The following NTM variants were observed in gnomAD, a reference collection of about 807,000 sequenced individuals.
NTM encodes neurotrimin, also known as IgLON family member 2.
In NTM, 13 loss-of-function variants were observed where a neutral mutation model predicts 42.1. That is an observed-to-expected ratio of 0.31 (90% CI 0.20 to 0.49). The LOEUF (loss-of-function observed/expected upper bound fraction) is 0.49, where lower values mean the gene tolerates loss of function less well. Ranked by LOEUF, NTM falls within the 20% of genes least tolerant of loss-of-function variation. NTM has a pLI of 0.99. For synonymous variants in NTM, 187 were observed against 179.2 expected (o/e 1.04, Z -0.35); for missense variants, 373 against 452.8 (o/e 0.82, Z 1.60).
intron 8 of NTM, 75 bp downstream of exon 8, chr11:132,330,260 G>A: frequency 4.0e-6 from 6 of 1,506,762 alleles, no homozygotes; most frequent in Non-Finnish European, 5.4e-6. Flanking sequence ...CCTCCCAGAT[G>A]CCTTCTTTCC....
intron 1 of NTM, among the ~76,000 whole-genome samples, chr11:131,669,239 G>A (rs2069662295): frequency 6.6e-6 from 1 of 152,182 alleles, no homozygotes; most frequent in African/African-American, 2.4e-5. Context: ...ACTCTGGCAT[G>A]TTAAAGGGGG....
chr11:131,672,835 ACGG>A (rs2070587621), intron 1 of NTM, among the ~76,000 whole-genome samples: 1 of 130,726 alleles, frequency 7.6e-6, no homozygotes, highest in Non-Finnish European at 1.7e-5. Flanking sequence ...AGAGAAGACC[ACGG>A]TGCCGGGGTG....
chr11:132,313,161 C>A (rs2095327552), intron 6 of NTM, among the ~76,000 whole-genome samples: 1 of 116,298 alleles, frequency 8.6e-6, no homozygotes, highest in Non-Finnish European at 2.1e-5. Context: ...AAAGCAGCTG[C>A]ACTCTATGCC....
intron 1 of NTM, among the ~76,000 whole-genome samples, chr11:131,506,415 G>A (rs2047500009): frequency 6.6e-6 from 1 of 152,168 alleles, no homozygotes; most frequent in Admixed American, 6.5e-5. Flanking sequence ...AGCACTAATG[G>A]GATTCTAATA....
At chr11:131,590,612 C>T (rs1353787731) in intron 1 of NTM, among the ~76,000 whole-genome samples, 1 of 152,200 alleles carries the variant, frequency 6.6e-6, no homozygotes, top group South Asian at 2.1e-4. Flanking sequence ...GCAGCATTTA[C>T]AAGTTATTAT....
intron 2 of NTM, among the ~76,000 whole-genome samples, chr11:132,012,545 G>A (rs2072446101): frequency 6.6e-6 from 1 of 152,092 alleles, no homozygotes; most frequent in Non-Finnish European, 1.5e-5. Context: ...TTCTAAACAT[G>A]TTTTTTCTCT....
intron 2 of NTM, chr11:131,981,245 C>A (rs922253131): frequency 2.6e-5 from 4 of 152,190 alleles, no homozygotes; most frequent in African/African-American, 9.7e-5. Flanking sequence ...CAGATGAGGA[C>A]AGGAGGAGAA....
At chr11:131,975,478 G>A (rs575715181) in intron 2 of NTM, among the ~76,000 whole-genome samples, 2 of 152,014 alleles carry the variant, frequency 1.3e-5, no homozygotes, top group East Asian at 1.9e-4. Context: ...GCGCCTGGCC[G>A]AATCTTGCCT....
intron 1 of NTM, among the ~76,000 whole-genome samples, chr11:131,484,755 C>G (rs2136256040): frequency 6.6e-6 from 1 of 152,296 alleles, no homozygotes; most frequent in African/African-American, 2.4e-5. Flanking sequence ...CATGCTCTTC[C>G]TTCATTCACT....
intron 3 of NTM, among the ~76,000 whole-genome samples, chr11:132,176,722 G>GTTTTTTTTTTTT (rs148699196): frequency 2.4e-5 from 2 of 82,002 alleles, no homozygotes; most frequent in Non-Finnish European, 4.3e-5. Context: ...CATGCCTAAA[G>GTTTTTTTTTTTT]TTTTTTTTTT....
intron 2 of NTM, among the ~76,000 whole-genome samples, chr11:131,952,826 C>CTGGT (rs1381357494): frequency 6.6e-6 from 1 of 152,204 alleles, no homozygotes; most frequent in African/African-American, 2.4e-5. Context: ...ATAGCTCTGA[C>CTGGT]TGGTGACCAA....
At chr11:131,672,399 C>T (rs2070467827) in intron 1 of NTM, among the ~76,000 whole-genome samples, 1 of 152,234 alleles carries the variant, frequency 6.6e-6, no homozygotes, top group South Asian at 2.1e-4. Flanking sequence ...GGGCCTGCTT[C>T]ACGAAGCACG....
chr11:132,183,477 C>A (rs2077893810), intron 3 of NTM, among the ~76,000 whole-genome samples: 1 of 152,032 alleles, frequency 6.6e-6, no homozygotes, highest in African/African-American at 2.4e-5. Context: ...CCACCATAAA[C>A]TCTAAATTAG....
chr11:131,874,044 T>TA (rs1232583222), intron 1 of NTM, among the ~76,000 whole-genome samples: 24 of 56,178 alleles, frequency 4.3e-4, no homozygotes, highest in African/African-American at 3.9e-3. Flanking sequence ...TATATATATA[T>TA]ATATATATAT....
At chr11:132,269,172 T>G (rs1248683350) in intron 4 of NTM, among the ~76,000 whole-genome samples, 1 of 152,132 alleles carries the variant, frequency 6.6e-6, no homozygotes, top group Non-Finnish European at 1.5e-5. Flanking sequence ...GCCGAGGACA[T>G]ACAATAGAAC....
chr11:132,057,427 A>AT (rs1456795090), intron 2 of NTM, among the ~76,000 whole-genome samples: 2 of 152,158 alleles, frequency 1.3e-5, no homozygotes, highest in Non-Finnish European at 2.9e-5. Flanking sequence ...GTGTGTTTAT[A>AT]TTTTCAAGAA....
chr11:132,128,392 C>G (rs1453106277), intron 2 of NTM, among the ~76,000 whole-genome samples: 1 of 152,160 alleles, frequency 6.6e-6, no homozygotes, highest in East Asian at 1.9e-4. Flanking sequence ...TGTTTACTCT[C>G]TCAGCTGTAG....
At position 131,682,463 on chromosome 11, in the gene NTM, G is replaced by A. The variant is rs78212510; in HGVS notation, c.83-229101G>A. On this transcript the variant is annotated intron_variant, in intron 1 of 8. Coordinates refer to ENST00000683400, the MANE Select transcript of NTM (RefSeq NM_001352005.2). ...CGGCTGCAGGGAGTCCTGGGAGGCTGAGGGCCCTCCCTCCTCGTGGCACGC... is the reference window on the plus strand; with the variant it reads ...CGGCTGCAGGGAGTCCTGGGAGGCTAAGGGCCCTCCCTCCTCGTGGCACGC... Among the ~76,000 whole-genome samples, 1,490 of 152,338 alleles carry A rather than the reference G, an allele frequency of 9.8e-3. 32 individuals carry two copies. The highest frequency in any genetic ancestry group is 0.034 in the African/African-American group (1,415 of 41,580).
Position 132,221,623 on chromosome 11 carries a change from G to A in NTM, c.526+9476G>A, listed in dbSNP as rs367785680. 1.5e-4 allele frequency among the ~76,000 whole-genome samples: 23 copies of A among 152,254 alleles called. 1 individual carries two copies. Among genetic ancestry groups the A allele is most frequent in the African/African-American group, 5.3e-4 (22 of 41,560 alleles). On this transcript the variant is annotated intron_variant, in intron 4 of 8. Coordinates refer to ENST00000683400, the MANE Select transcript of NTM (RefSeq NM_001352005.2). ...ACTGAACGACAGCTGTAAGGGTGGG[G>A]TCCAGCAGCCTGATTTTGACATTTC...
Sources: gnomAD v4.1 joint callset for allele counts (sites outside exome capture counted in the v4.1 genomes callset) on GRCh38, gnomAD v4.1.1 for gene constraint, MANE v1.5 for transcripts, NCBI Gene and HGNC (gene_info 2026-07-23, HGNC 2026-07-21) for gene names.